The following OARD1 variants were observed in gnomAD, a reference collection of about 807,000 sequenced individuals.
The protein encoded by OARD1 is ADP-ribose glycohydrolase OARD1.
A neutral mutation model predicts 19.7 loss-of-function variants in OARD1; 19 were observed. That is an observed-to-expected ratio of 0.96 (90% CI 0.67 to 1.41). The LOEUF (loss-of-function observed/expected upper bound fraction) is 1.41, where lower values mean the gene tolerates loss of function less well. Among genes scored for constraint, OARD1 ranks in the 40% most tolerant of loss-of-function variants. OARD1 has a pLI of 0.00. For missense variants in OARD1, 190 were observed against 183.8 expected (o/e 1.03, Z -0.20); for synonymous variants, 70 against 61.8 (o/e 1.13, Z -0.62).
intron 1 of OARD1, chr6:41,090,135 A>T: frequency 1.2e-5 from 12 of 1,015,866 alleles, no homozygotes; most frequent in South Asian, 2.9e-5. Flanking sequence ...TTTTTTTTTT[A>T]AGGACTACAT....
At chr6:41,092,465 GT>G (rs886236868) in intron 1 of OARD1, among the ~76,000 whole-genome samples, 4 of 152,200 alleles carry the variant, frequency 2.6e-5, no homozygotes, top group Non-Finnish European at 5.9e-5. Flanking sequence ...TCTGTTACTT[GT>G]TTTTACCTAC....
At chr6:41,071,408 C>G in intron 2 of OARD1, 132 bp from the exon 3 acceptor site, 3 of 1,035,316 alleles carry the variant, frequency 2.9e-6, no homozygotes, top group Non-Finnish European at 4.3e-6. Context: ...TAAAGCCAAA[C>G]CAATTACAGC....
chr6:41,067,581 G>C (rs1240611965), intron 5 of OARD1, 144 bp from the exon 6 acceptor site: 1 of 578,054 alleles, frequency 1.7e-6, no homozygotes, highest in Non-Finnish European at 3.1e-6. Context: ...GAGTTTGGAA[G>C]TCAATTCTTG....
intron 1 of OARD1, among the ~76,000 whole-genome samples, chr6:41,087,890 A>AAGATAGATTTGGATAGCACAC (rs1764088799): frequency 6.6e-6 from 1 of 152,210 alleles, no homozygotes. Context: ...AAAAAGAAAG[A>AAGATAGATTTGGATAGCACAC]AGATAGATTT....
chr6:41,093,220 G>A lies in OARD1; in HGVS notation c.-42+4493C>T, dbSNP rs555730538. On this transcript the variant is annotated intron_variant, in intron 1 of 4. Coordinates refer to the OARD1 transcript ENST00000480585. Reference sequence around the variant, plus strand: ...TAGATACTTGTTGTCTCTTTTGTAAGAGTTAGCATTTGTTATTACTAATAT... The same window carrying A: ...TAGATACTTGTTGTCTCTTTTGTAAAAGTTAGCATTTGTTATTACTAATAT... 1.6e-4 allele frequency: 121 copies of A among 758,302 alleles called. 1 individual carries two copies. In the South Asian group the frequency reaches 2.7e-3, roughly 17 times the overall value. 47.0% of individuals were successfully genotyped at this position (758,302 alleles called of 1,614,324 possible). A position where few individuals can be genotyped will look rare whatever the true frequency, so the allele number is the denominator to read the frequency against.
chr6:41,090,767 A>G (rs1300201636), intron 1 of OARD1, among the ~76,000 whole-genome samples: 1 of 152,246 alleles, frequency 6.6e-6, no homozygotes, highest in Non-Finnish European at 1.5e-5. Context: ...TGAACAAATA[A>G]ATACAATGCA....
In OARD1 at chr6:41,067,383, C is replaced by T; in HGVS notation, c.411G>A (p.Glu137=). The T allele has an allele frequency of 1.2e-6, 2 of 1,613,754 alleles. No homozygotes were observed. The highest frequency in any genetic ancestry group is 2.2e-5 in the East Asian group (1 of 44,868). ...LQWENVSAMI[E]EVFEATDIKI... ...TGATGTCTGTTGCCTCAAATACCTC[C>T]TCGATCATCGCAGATACATTTTCCC... is the stretch of plus-strand genomic sequence containing the variant. Residue 137 remains glutamate, a synonymous_variant, in exon 6 of 6, where the codon GAG becomes GAA. Transcript: ENST00000424266.
chr6:41,097,784 A>G (rs572639107), upstream of OARD1: 27 of 191,224 alleles, frequency 1.4e-4, no homozygotes, highest in Non-Finnish European at 2.1e-4. Context: ...GCAATCAGGA[A>G]AGCAGCAGCC....
chr6:41,085,827 A>T (rs749965359), intron 1 of OARD1, among the ~76,000 whole-genome samples: 3 of 151,858 alleles, frequency 2.0e-5, no homozygotes, highest in Non-Finnish European at 4.4e-5. Flanking sequence ...AAATATAGTT[A>T]AGGATTTTGG....
At chr6:41,088,531 G>A (rs1764110755) in intron 1 of OARD1, among the ~76,000 whole-genome samples, 1 of 151,982 alleles carries the variant, frequency 6.6e-6, no homozygotes, top group Non-Finnish European at 1.5e-5. Context: ...TTATCAAGGT[G>A]TTGTCCTGGG....
At chr6:41,077,478 TA>T (rs1265823600), upstream of OARD1, among the ~76,000 whole-genome samples, 7 of 152,340 alleles carry the variant, frequency 4.6e-5, no homozygotes, top group Admixed American at 4.6e-4. Context: ...AGATTTTATA[TA>T]AATGGAATCA....
chr6:41,079,855 T>C (rs1763859154), intron 1 of OARD1, among the ~76,000 whole-genome samples: 1 of 152,190 alleles, frequency 6.6e-6, no homozygotes, highest in Non-Finnish European at 1.5e-5. Context: ...CAAAATGGAA[T>C]TTAGCTAATA....
chr6:41,081,374 C>T (rs1345527012), intron 1 of OARD1, among the ~76,000 whole-genome samples: 2 of 151,982 alleles, frequency 1.3e-5, no homozygotes, highest in African/African-American at 2.4e-5. Context: ...CCTGTAGTCC[C>T]AGCTACTTGG....
In OARD1 at chr6:41,071,059, A is replaced by G. The variant is rs756808855; in HGVS notation, c.184+73T>C. ...TTAGGAATCCCCTCTTTACACGCAT[A>G]TTTTATTAAAGTGTAACAGATTAAA... On this transcript the variant is annotated intron_variant, in intron 3 of 5. Transcript: ENST00000424266. 7 of 1,461,000 alleles carry G rather than the reference A, an allele frequency of 4.8e-6. No homozygotes were observed. In the African/African-American group the frequency reaches 9.8e-5, roughly 20 times the overall value. The allele number at this position is 1,461,000 out of a possible 1,614,324, so 90.5% of individuals were successfully genotyped here. A position where few individuals can be genotyped will look rare whatever the true frequency, so the allele number is the denominator to read the frequency against.
rs148578282 is a variant in OARD1 at position 41,068,984 on chromosome 6, C to T, written c.244-31G>A. 5.5e-5 allele frequency: 68 copies of T among 1,238,420 alleles called. No homozygotes were observed. The African/African-American group carries it at 8.0e-4, about 15-fold the overall frequency. 76.7% of individuals were successfully genotyped at this position (1,238,420 alleles called of 1,614,324 possible). A position where few individuals can be genotyped will look rare whatever the true frequency, so the allele number is the denominator to read the frequency against. On this transcript the variant is annotated intron_variant, in intron 4 of 5. Coordinates refer to ENST00000424266, the MANE Select transcript of OARD1 (RefSeq NM_001329686.2). The stretch of plus-strand genomic sequence containing the variant: ...CACAAAGGATTCAAACTTTCATCAT[C>T]CCAAAATGATAGCCAAAGAAAAGTC...
intron 1 of OARD1, among the ~76,000 whole-genome samples, chr6:41,079,416 A>G (rs1763846990): frequency 1.3e-5 from 2 of 152,182 alleles, no homozygotes; most frequent in Admixed American, 1.3e-4. Flanking sequence ...TGGTTTTCAG[A>G]TGGAAATTTG....
intron 1 of OARD1, chr6:41,094,525 C>G (rs1295388757): frequency 6.4e-7 from 1 of 1,562,448 alleles, no homozygotes; most frequent in Non-Finnish European, 8.8e-7. Flanking sequence ...TTTTATTCTT[C>G]TCTTTATTAC....
intron 1 of OARD1, chr6:41,084,023 G>T (rs781741048): frequency 6.1e-5 from 97 of 1,579,334 alleles, no homozygotes; most frequent in South Asian, 4.2e-4. Context: ...TTATTTCATT[G>T]TTCTTATTTT....
chr6:41,084,572 T>C (rs1180005406), intron 1 of OARD1, among the ~76,000 whole-genome samples: 1 of 152,180 alleles, frequency 6.6e-6, no homozygotes, highest in African/African-American at 2.4e-5. Flanking sequence ...AAAGGATAAA[T>C]AAAATCTAGA....
Sources: allele counts gnomAD v4.1 joint callset (sites outside exome capture counted in the v4.1 genomes callset), GRCh38; gene constraint gnomAD v4.1.1; transcripts MANE v1.5; gene names NCBI Gene and HGNC (gene_info 2026-07-23, HGNC 2026-07-21).